The following ATP2C1 variants were observed in gnomAD, a reference collection of about 807,000 sequenced individuals.
The protein encoded by ATP2C1 is ATPase secretory pathway Ca2+ transporting 1, also known as calcium-transporting ATPase type 2C member 1.
In ATP2C1, 31 loss-of-function variants were observed where a neutral mutation model predicts 120.5. The ratio of observed to expected loss-of-function variants is 0.26; its 90% CI spans 0.19 to 0.35. The LOEUF (loss-of-function observed/expected upper bound fraction) is 0.35, where lower values mean the gene tolerates loss of function less well. Ranked by LOEUF, ATP2C1 falls within the 10% of genes least tolerant of loss-of-function variation. ATP2C1 has a pLI of 1.00. For missense variants in ATP2C1, 731 were observed against 1,107.5 expected, an observed-to-expected ratio of 0.66 and a Z score of 4.83; for synonymous variants, 351 against 358.7, an observed-to-expected ratio of 0.98 and a Z score of 0.24.
intron 2 of ATP2C1, among the ~76,000 whole-genome samples, chr3:130,922,904 T>A (rs1275013145): frequency 6.6e-6 from 1 of 152,234 alleles, no homozygotes; most frequent in East Asian, 1.9e-4. Context: ...GAATGTTCCA[T>A]CTGCTGGTGA....
At chr3:130,941,477 TC>T in intron 7 of ATP2C1, 113 bp from the exon 8 acceptor site, 1 of 785,616 alleles carries the variant, frequency 1.3e-6, no homozygotes, top group Non-Finnish European at 2.2e-6. Context: ...ACAGTCTTTT[TC>T]TTGGTTCTTA....
chr3:131,008,223 A>T (rs1289236556), intron 26 of ATP2C1, among the ~76,000 whole-genome samples: 1 of 152,140 alleles, frequency 6.6e-6, no homozygotes, highest in Non-Finnish European at 1.5e-5. Flanking sequence ...GGGTTGCTTG[A>T]GGCCAGGAGT....
intron 1 of ATP2C1, among the ~76,000 whole-genome samples, chr3:130,861,929 T>C (rs764316764): frequency 7.9e-5 from 12 of 152,190 alleles, no homozygotes; most frequent in Non-Finnish European, 1.6e-4. Flanking sequence ...GGATCTTTAA[T>C]GACCTCCTAA....
intron 26 of ATP2C1, among the ~76,000 whole-genome samples, chr3:131,010,318 G>A (rs544648296): frequency 1.3e-5 from 2 of 150,300 alleles, no homozygotes; most frequent in African/African-American, 4.9e-5. Context: ...AGCCTCCCAA[G>A]TAGCTGGGAC....
Sources: allele counts gnomAD v4.1 joint callset (sites outside exome capture counted in the v4.1 genomes callset), GRCh38; gene constraint gnomAD v4.1.1; transcripts MANE v1.5; gene names NCBI Gene and HGNC (gene_info 2026-07-23, HGNC 2026-07-21).